The following TTC28 variants were observed in gnomAD, a reference collection of about 807,000 sequenced individuals.
TTC28 encodes the protein tetratricopeptide repeat protein 28.
TTC28 carries 61 observed loss-of-function variants against 198.0 expected under a neutral mutation model. The ratio of observed to expected loss-of-function variants is 0.31; its 90% CI spans 0.25 to 0.38. The LOEUF (loss-of-function observed/expected upper bound fraction) is 0.38, where lower values mean the gene tolerates loss of function less well. Among genes scored for constraint, TTC28 ranks in the 10% least tolerant of loss-of-function variants. TTC28 has a pLI of 1.00. For missense variants in TTC28, 2,678 were observed against 3,164.0 expected (o/e 0.85, Z 3.69); for synonymous variants, 1,171 against 1,297.8 (o/e 0.90, Z 2.10).
chr22:28,655,529 T>C (rs980159809), intron 1 of TTC28, among the ~76,000 whole-genome samples: 123 of 152,208 alleles, frequency 8.1e-4, no homozygotes, highest in African/African-American at 2.7e-3. Flanking sequence ...TGTTACTTTA[T>C]CAAATTATTT....
chr22:28,521,527 T>C (rs953462968), intron 2 of TTC28, among the ~76,000 whole-genome samples: 3 of 152,208 alleles, frequency 2.0e-5, no homozygotes, highest in African/African-American at 4.8e-5. Context: ...GATATTCTGC[T>C]GCTCCTCTTT....
intron 2 of TTC28, among the ~76,000 whole-genome samples, chr22:28,577,493 A>C (rs1170865324): frequency 6.6e-6 from 1 of 152,134 alleles, no homozygotes; most frequent in African/African-American, 2.4e-5. Context: ...TTTGGTCTAC[A>C]GTGTAGATGA....
chr22:28,053,991 G>C (rs947222269), intron 12 of TTC28, among the ~76,000 whole-genome samples: 1 of 152,118 alleles, frequency 6.6e-6, no homozygotes, highest in Admixed American at 6.5e-5. Flanking sequence ...GCTAAAGGAA[G>C]ACTTAAATAA....
chr22:28,281,607 G>A (rs1854791533), intron 5 of TTC28, among the ~76,000 whole-genome samples: 1 of 152,106 alleles, frequency 6.6e-6, no homozygotes, highest in Non-Finnish European at 1.5e-5. Flanking sequence ...TTTAGCATGA[G>A]TTATATTTTC....
intron 2 of TTC28, among the ~76,000 whole-genome samples, chr22:28,510,645 G>A (rs2048675210): frequency 6.6e-6 from 1 of 152,072 alleles, no homozygotes; most frequent in African/African-American, 2.4e-5. Context: ...AGTATTGGAA[G>A]TTCTCGCGAG....
chr22:28,534,224 C>G (rs2049211875), intron 2 of TTC28, among the ~76,000 whole-genome samples: 1 of 152,086 alleles, frequency 6.6e-6, no homozygotes, highest in Admixed American at 6.6e-5. Flanking sequence ...AGAAAAACAT[C>G]AAACAACCCC....
chr22:28,377,100 TA>T (rs11295470), intron 2 of TTC28, among the ~76,000 whole-genome samples: 128,913 of 150,050 alleles, frequency 0.86, 55,579 homozygotes, highest in East Asian at 0.99. Flanking sequence ...GATTCTAAAG[TA>T]AAAAAACCCA....
At chr22:28,530,771 A>T (rs1157377922) in intron 2 of TTC28, among the ~76,000 whole-genome samples, 1 of 152,260 alleles carries the variant, frequency 6.6e-6, no homozygotes, top group Non-Finnish European at 1.5e-5. Context: ...TCTTAAAGAA[A>T]AGAATTTTCA....
intron 2 of TTC28, among the ~76,000 whole-genome samples, chr22:28,358,200 AT>A (rs2046106834): frequency 6.6e-6 from 1 of 152,210 alleles, no homozygotes; most frequent in Non-Finnish European, 1.5e-5. Context: ...TCGAACTAAT[AT>A]GCATGTGTTA....
Position 27,993,572 on chromosome 22 carries a change from C to T in TTC28, c.5245-54G>A, listed in dbSNP as rs968669950. 4.5e-5 allele frequency: 66 copies of T among 1,479,580 alleles called. No homozygotes were observed. In the African/African-American group the frequency reaches 4.5e-4, roughly 10 times the overall value. 91.7% of individuals were successfully genotyped at this position (1,479,580 alleles called of 1,614,324 possible). ...ACCCAGGCCAGCCCTGGTTTCCATC[C>T]GCATGGCTTTGAGGGTACACAAAGC... On this transcript the variant is annotated intron_variant, in intron 17 of 22. Coordinates refer to ENST00000397906, the MANE Select transcript of TTC28 (RefSeq NM_001145418.2).
At chr22:28,581,752 C>T (rs1193817087) in intron 2 of TTC28, among the ~76,000 whole-genome samples, 5 of 152,188 alleles carry the variant, frequency 3.3e-5, no homozygotes, top group South Asian at 2.1e-4. Flanking sequence ...TCTCTACAAA[C>T]GAACAAACAA....
intron 5 of TTC28, among the ~76,000 whole-genome samples, chr22:28,196,140 A>G (rs1452044331): frequency 2.0e-5 from 3 of 151,990 alleles, no homozygotes; most frequent in African/African-American, 7.3e-5. Flanking sequence ...CCGCATATCT[A>G]CAACCATCTG....
chr22:27,985,820 G>T (rs183017604), intron 21 of TTC28: 172 of 157,562 alleles, frequency 1.1e-3, no homozygotes, highest in Middle Eastern at 3.3e-3. Context: ...CTTCATGCAT[G>T]TTCAGTGTCT....
intron 2 of TTC28, among the ~76,000 whole-genome samples, chr22:28,461,265 TAA>T (rs2047946338): frequency 6.6e-6 from 1 of 152,198 alleles, no homozygotes; most frequent in Non-Finnish European, 1.5e-5. Flanking sequence ...GTTGAATGAA[TAA>T]CTATTGACCT....
At chr22:28,192,932 T>C (rs1386166084) in intron 5 of TTC28, among the ~76,000 whole-genome samples, 1 of 152,048 alleles carries the variant, frequency 6.6e-6, no homozygotes, top group African/African-American at 2.4e-5. Context: ...ATTCAGGAAA[T>C]ACACAGAACG....
intron 2 of TTC28, among the ~76,000 whole-genome samples, chr22:28,435,230 T>C (rs1039336780): frequency 6.6e-6 from 1 of 152,102 alleles, no homozygotes; most frequent in Admixed American, 6.5e-5. Flanking sequence ...AAAATAACAA[T>C]GACAGAACAC....
chr22:28,053,042 G>T (rs1940146114), intron 12 of TTC28, among the ~76,000 whole-genome samples: 1 of 152,246 alleles, frequency 6.6e-6, no homozygotes, highest in Non-Finnish European at 1.5e-5. Context: ...TTGTTTCTAG[G>T]TTTACAACAG....
intron 6 of TTC28, among the ~76,000 whole-genome samples, chr22:28,124,674 G>T (rs942934099): frequency 9.2e-5 from 14 of 152,120 alleles, no homozygotes; most frequent in Non-Finnish European, 1.2e-4. Flanking sequence ...AATAAACCAA[G>T]GCTTCTGTAA....
chr22:27,987,852 A>T (rs1937265811), intron 21 of TTC28, among the ~76,000 whole-genome samples: 1 of 152,186 alleles, frequency 6.6e-6, no homozygotes, highest in South Asian at 2.1e-4. Flanking sequence ...TCTAGCGTCC[A>T]TCTGCTGCTG....
Sources: gnomAD v4.1 joint callset for allele counts (sites outside exome capture counted in the v4.1 genomes callset) on GRCh38, gnomAD v4.1.1 for gene constraint, MANE v1.5 for transcripts, NCBI Gene and HGNC (gene_info 2026-07-23, HGNC 2026-07-21) for gene names.